The following DYNC1H1 variants were observed in gnomAD, a reference collection of about 807,000 sequenced individuals.
DYNC1H1 encodes the protein cytoplasmic dynein 1 heavy chain 1.
A neutral mutation model predicts 527.1 loss-of-function variants in DYNC1H1; 51 were observed. That is an observed-to-expected ratio of 0.10 (90% CI 0.08 to 0.12). The LOEUF (loss-of-function observed/expected upper bound fraction) is 0.12. Among genes scored for constraint, DYNC1H1 ranks in the 10% least tolerant of loss-of-function variants. DYNC1H1 has a pLI of 1.00. For synonymous variants in DYNC1H1, 2,189 were observed against 2,278.8 expected (o/e 0.96, Z 1.12); for missense variants, 2,771 against 5,971.8 (o/e 0.46, Z 17.66).
At chr14:102,023,553 GAAAA>G (rs1023975843) in intron 43 of DYNC1H1, 1 of 152,070 alleles carries the variant, frequency 6.6e-6, no homozygotes, top group Non-Finnish European at 1.4e-5. Context: ...CTGTCTCAAA[GAAAA>G]AAAAAATACA....
intron 51 of DYNC1H1, among the ~76,000 whole-genome samples, chr14:102,031,955 A>G (rs1485185186): frequency 1.3e-5 from 2 of 152,250 alleles, no homozygotes; most frequent in African/African-American, 2.4e-5. Context: ...CTCAGTCTCA[A>G]ATAAATAGTA....
chr14:102,016,322 A>G lies in DYNC1H1; in HGVS notation c.7474-27A>G. 6.2e-7 allele frequency: 1 copy of G among 1,614,068 alleles called. No individual in the cohort carries two copies. ...CTTTTGTTGTTGAAATTTTATAAAA[A>G]TCAAAGTTTAATTCCCTTTTTAATA... On this transcript the variant is annotated intron_variant, in intron 36 of 77. Transcript: ENST00000360184. This position sits in a 1 kb window ranked among gnomAD's most constrained non-coding sequence, Gnocchi z 7.3.
rs1204332593 is a variant in DYNC1H1 at position 102,020,492 on chromosome 14, C to G, written c.8507+436C>G. ...GTTAAAAGGTCTCCCAACAACTGCCCAGTGTGCGTGTTCCGTAACCACCAC... is the reference window on the plus strand; with the variant it reads ...GTTAAAAGGTCTCCCAACAACTGCCGAGTGTGCGTGTTCCGTAACCACCAC... On this transcript the variant is annotated intron_variant, in intron 42 of 77. Coordinates refer to ENST00000360184, the MANE Select transcript of DYNC1H1 (RefSeq NM_001376.5). This position sits in a 1 kb window ranked among gnomAD's most constrained non-coding sequence, Gnocchi z 4.3. 6.6e-6 allele frequency among the ~76,000 whole-genome samples: 1 copy of G among 152,172 alleles called. No homozygotes were observed. Among genetic ancestry groups the G allele is most frequent in the Non-Finnish European group, 1.5e-5 (1 of 68,034 alleles).
chr14:101,983,544 A>T lies in DYNC1H1; in HGVS notation c.1396A>T (p.Met466Leu). The change falls in exon 7 of 78, where the codon ATG becomes TTG. Residue 466 changes from methionine (M) to leucine (L), a missense_variant. Physicochemically the swap from Met to Leu is conservative, Grantham distance 15 (BLOSUM62 2). This residue lies in a region of DYNC1H1 where 264 missense variants were observed against 619.4 expected (regional missense o/e 0.43). Transcript: ENST00000360184. This position sits in a 1 kb window ranked among gnomAD's most constrained non-coding sequence, Gnocchi z 5.3. ...HRKLQARLDQMRKFRRQHEQL... is the reference protein window; with the variant it reads ...HRKLQARLDQLRKFRRQHEQL... ...GAAGCTGCAGGCCCGCCTTGACCAG[A>T]TGAGAAAATTTAGACGCCAGCATGA... 6.2e-7 allele frequency: 1 copy of T among 1,614,234 alleles called. No individual in the cohort carries two copies. Among genetic ancestry groups the T allele is most frequent in the Non-Finnish European group, 8.5e-7 (1 of 1,180,054 alleles).
chr14:102,010,080 T>C lies in DYNC1H1; in HGVS notation c.6215T>C (p.Phe2072Ser). Residue 2072 changes from phenylalanine (F) to serine (S), a missense_variant, in exon 30 of 78, where the codon TTT becomes TCT. Around this residue, in one of 32 missense-constraint regions of DYNC1H1, gnomAD observed 19 missense variants for 90.4 expected, o/e 0.21. Coordinates refer to ENST00000360184, the MANE Select transcript of DYNC1H1 (RefSeq NM_001376.5). The surrounding 1 kb of genome is among the most constrained non-coding windows in gnomAD (Gnocchi z 6.0). Reference protein sequence around the residue: ...AEVLANKIVPFFKLCDEQLSS... With the variant: ...AEVLANKIVPSFKLCDEQLSS... ...GTGCTTGCCAACAAAATCGTCCCGT[T>C]TTTTAAGTAAGTAGCCTAGAATTCT... 1 of 1,613,670 alleles carries C rather than the reference T, an allele frequency of 6.2e-7. No individual in the cohort carries two copies. The highest frequency in any genetic ancestry group is 1.1e-5 in the South Asian group (1 of 91,084).
At chr14:101,998,890 T>G (rs867128021) in intron 16 of DYNC1H1, among the ~76,000 whole-genome samples, 6 of 135,508 alleles carry the variant, frequency 4.4e-5, no homozygotes, top group African/African-American at 2.1e-4. Flanking sequence ...TTTTTTTTTT[T>G]TTTTTTTTTG....
At chr14:102,021,749 T>C (rs1002178103) in intron 42 of DYNC1H1, among the ~76,000 whole-genome samples, 1 of 149,762 alleles carries the variant, frequency 6.7e-6, no homozygotes, top group African/African-American at 2.5e-5. Context: ...AATCTCCGTC[T>C]CCTGGGTTCA....
At position 102,029,384 on chromosome 14, in the gene DYNC1H1, TA is replaced by T; in HGVS notation, c.9469-153del. ...AGTGTAAGGGGTATCTCGAAAGCTC[TA>T]AGTGGCTAAGCTGAGGCCCGACTCG... On this transcript the variant is annotated intron_variant, in intron 48 of 77. Transcript: ENST00000360184. This position sits in a 1 kb window ranked among gnomAD's most constrained non-coding sequence, Gnocchi z 5.3. 1.1e-6 allele frequency: 1 copy of T among 905,752 alleles called. No individual in the cohort carries two copies. The highest frequency in any genetic ancestry group is 1.7e-6 in the Non-Finnish European group (1 of 582,570). 56.1% of individuals were successfully genotyped at this position (905,752 alleles called of 1,614,324 possible).
At chr14:102,026,240 A>C (rs928242550) in intron 43 of DYNC1H1, among the ~76,000 whole-genome samples, 4 of 152,098 alleles carry the variant, frequency 2.6e-5, no homozygotes, top group Non-Finnish European at 5.9e-5. Context: ...CACCACTGAG[A>C]TTTTGACTGG....
In DYNC1H1 at chr14:102,015,366, T is replaced by A; in HGVS notation, c.7242+34T>A. The stretch of plus-strand genomic sequence containing the variant: ...AGGTGGGACCCCACATATCATGACC[T>A]GAGGGTGCTAGGATATTCAGATGTG... On this transcript the variant is annotated intron_variant, in intron 35 of 77. Transcript: ENST00000360184. This position sits in a 1 kb window ranked among gnomAD's most constrained non-coding sequence, Gnocchi z 6.9. The A allele has an allele frequency of 6.3e-7, 1 of 1,577,720 alleles. No individual in the cohort carries two copies. Among genetic ancestry groups the A allele is most frequent in the Non-Finnish European group, 8.6e-7 (1 of 1,160,086 alleles).
chr14:102,028,285 G>A, intron 48 of DYNC1H1, 144 bp downstream of exon 48: 1 of 966,864 alleles, frequency 1.0e-6, no homozygotes, highest in Non-Finnish European at 1.6e-6. Flanking sequence ...GCCAAGGCGG[G>A]AGGATCACTT....
At position 102,027,276 on chromosome 14, in the gene DYNC1H1, G is replaced by C; in HGVS notation, c.8874G>C (p.Val2958=). The C allele has an allele frequency of 6.2e-7, 1 of 1,614,112 alleles. No homozygotes were observed. The highest frequency in any genetic ancestry group is 1.1e-5 in the South Asian group (1 of 91,082). Reference sequence around the variant, plus strand: ...TCGCCTGGATGAACGGTTTGAGTGTGTACCAGATTAAGGTGCGTCTGGTCG... The same window carrying C: ...TCGCCTGGATGAACGGTTTGAGTGTCTACCAGATTAAGGTGCGTCTGGTCG... ...RFVAWMNGLS[V]YQIKVHRKYT... The change falls in exon 45 of 78, where the codon GTG becomes GTC. Residue 2958 remains valine, a synonymous_variant. Coordinates refer to ENST00000360184, the MANE Select transcript of DYNC1H1 (RefSeq NM_001376.5). The surrounding 1 kb of genome is among the most constrained non-coding windows in gnomAD (Gnocchi z 7.7).
At chr14:102,024,929 C>T (rs1394717870) in intron 43 of DYNC1H1, among the ~76,000 whole-genome samples, 2 of 151,696 alleles carry the variant, frequency 1.3e-5, no homozygotes, top group Admixed American at 6.6e-5. Flanking sequence ...CTCCTGACCT[C>T]GTGATCAGCC....
rs1410977250 is a variant in DYNC1H1, at chr14:102,056,106, C to T, written c.*5543C>T. On this transcript the variant is annotated 3_prime_UTR_variant, in exon 78 of 78. Transcript: ENST00000360184. Reference sequence around the variant, plus strand: ...GAAGTGAAATCAAAGACAGGCAGCCCGGCGCCAGGCCCAAAACCAGGCCTG... The same window carrying T: ...GAAGTGAAATCAAAGACAGGCAGCCTGGCGCCAGGCCCAAAACCAGGCCTG... 1.3e-5 allele frequency: 2 copies of T among 152,202 alleles called. No homozygotes were observed. Among genetic ancestry groups the T allele is most frequent in the Non-Finnish European group, 2.9e-5 (2 of 68,034 alleles). 9.4% of individuals were successfully genotyped at this position (152,202 alleles called of 1,614,324 possible).
In DYNC1H1 at chr14:102,042,511, GGTGGTTGAAGGA is replaced by G; in HGVS notation, c.12399+9_12399+20del. ...CACCATGGAGATCAACCCCAAGGTG[GGTGGTTGAAGGA>G]GTGGAGACGTTGCAGGCTGGCCTGG... On this transcript the variant is annotated splice_donor_5th_base_variant and intron_variant, in intron 68 of 77. Transcript: ENST00000360184. This position sits in a 1 kb window ranked among gnomAD's most constrained non-coding sequence, Gnocchi z 5.7. 1.2e-6 allele frequency: 2 copies of G among 1,614,126 alleles called. No individual in the cohort carries two copies. Among genetic ancestry groups the G allele is most frequent in the Non-Finnish European group, 1.7e-6 (2 of 1,180,022 alleles).
Position 102,041,402 on chromosome 14 carries a change from C to A in DYNC1H1, c.11942-172C>A. ...TAGTAAGGTGTTCTCACAGGCGTGTCCAGAGGGCTCACGGAAGGCACAGCA... is the reference window on the plus strand; with the variant it reads ...TAGTAAGGTGTTCTCACAGGCGTGTACAGAGGGCTCACGGAAGGCACAGCA... On this transcript the variant is annotated intron_variant, in intron 64 of 77. Transcript: ENST00000360184. The surrounding 1 kb of genome is among the most constrained non-coding windows in gnomAD (Gnocchi z 4.5). 3.0e-6 allele frequency: 3 copies of A among 1,013,418 alleles called. No homozygotes were observed. The highest frequency in any genetic ancestry group is 4.6e-6 in the Non-Finnish European group (3 of 657,440). 62.8% of individuals were successfully genotyped at this position (1,013,418 alleles called of 1,614,324 possible). A position where few individuals can be genotyped will look rare whatever the true frequency, so the allele number is the denominator to read the frequency against.
rs2048870677 is a variant in DYNC1H1, at chr14:102,055,794, C to T, written c.*5231C>T. Reference sequence around the variant, plus strand: ...CTGATTAGCAAACTCTGACTCTAACCTCAAAACATGTCCAGAATTCAGCCA... The same window carrying T: ...CTGATTAGCAAACTCTGACTCTAACTTCAAAACATGTCCAGAATTCAGCCA... On this transcript the variant is annotated 3_prime_UTR_variant, in exon 78 of 78. Transcript: ENST00000360184. 6.6e-6 allele frequency: 1 copy of T among 152,456 alleles called. No individual in the cohort carries two copies. Among genetic ancestry groups the T allele is most frequent in the African/African-American group, 2.4e-5 (1 of 41,454 alleles). The allele number at this position is 152,456 out of a possible 1,614,324, so 9.4% of individuals were successfully genotyped here. A position where few individuals can be genotyped will look rare whatever the true frequency, so the allele number is the denominator to read the frequency against.
chr14:102,044,224 G>A lies in DYNC1H1; in HGVS notation c.12685-50G>A. 1 of 1,608,820 alleles carries A rather than the reference G, an allele frequency of 6.2e-7. No individual in the cohort carries two copies. The highest frequency in any genetic ancestry group is 8.5e-7 in the Non-Finnish European group (1 of 1,178,280). On this transcript the variant is annotated intron_variant, in intron 70 of 77. Coordinates refer to ENST00000360184, the MANE Select transcript of DYNC1H1 (RefSeq NM_001376.5). The surrounding 1 kb of genome is among the most constrained non-coding windows in gnomAD (Gnocchi z 7.1). ...CTGTGCCCCTCGAAAGGAAGCCCCG[G>A]GCCTGCCCGCCTCTGACCACACACA...
In DYNC1H1 at chr14:101,965,719, A is replaced by G. The variant is rs967110716; in HGVS notation, c.256+772A>G. Among the ~76,000 whole-genome samples the G allele has an allele frequency of 6.6e-6, 1 of 151,326 alleles. No homozygotes were observed. The highest frequency in any genetic ancestry group is 1.5e-5 in the Non-Finnish European group (1 of 67,930). On this transcript the variant is annotated intron_variant, in intron 1 of 77. Coordinates refer to ENST00000360184, the MANE Select transcript of DYNC1H1 (RefSeq NM_001376.5). The surrounding 1 kb of genome is among the most constrained non-coding windows in gnomAD (Gnocchi z 4.1). ...ACTAGACTCAGTGTCTCAGCTCCCC[A>G]TCCACTGCTTGTTTTCACTGATCAT...
Sources: gnomAD v4.1 joint callset for allele counts (sites outside exome capture counted in the v4.1 genomes callset) on GRCh38, gnomAD v4.1.1 for gene constraint, gnomAD v4.1.1 regional missense constraint, Gnocchi (gnomAD v3.1) non-coding constraint, MANE v1.5 for transcripts, NCBI Gene and HGNC (gene_info 2026-07-23, HGNC 2026-07-21) for gene names.